The following THRAP3 variants were observed in gnomAD, a reference collection of about 807,000 sequenced individuals.
THRAP3 encodes the protein thyroid hormone receptor associated protein 3, also known as thyroid hormone receptor-associated protein 3.
THRAP3 carries 16 observed loss-of-function variants against 101.0 expected under a neutral mutation model. That is an observed-to-expected ratio of 0.16 (90% CI 0.11 to 0.24). The LOEUF (loss-of-function observed/expected upper bound fraction) is 0.24. Ranked by LOEUF, THRAP3 falls within the 10% of genes least tolerant of loss-of-function variation. The pLI is 1.00. For missense variants in THRAP3, 989 were observed against 1,202.7 expected (o/e 0.82, Z 2.63); for synonymous variants, 407 against 422.6 (o/e 0.96, Z 0.45).
chr1:36,298,146 C>CAAAAAAAAAAAA (rs10653561), intron 9 of THRAP3, among the ~76,000 whole-genome samples: 1 of 96,002 alleles, frequency 1.0e-5, no homozygotes, highest in Non-Finnish European at 2.0e-5. Flanking sequence ...GACTTCATCT[C>CAAAAAAAAAAAA]AAAAAAAAAA....
intron 2 of THRAP3, among the ~76,000 whole-genome samples, chr1:36,271,074 C>T (rs181942744): frequency 3.5e-4 from 53 of 152,266 alleles, no homozygotes; most frequent in African/African-American, 1.3e-3. Flanking sequence ...CTCCTGTTCC[C>T]TTCCTGTTAG....
At chr1:36,256,927 C>T (rs189731172) in intron 1 of THRAP3, among the ~76,000 whole-genome samples, 86 of 152,250 alleles carry the variant, frequency 5.6e-4, no homozygotes, top group African/African-American at 2.0e-3. Context: ...TCCTGAGTAG[C>T]TGGGATTACA....
At chr1:36,215,595 G>A in the THRAP3 span, among the ~76,000 whole-genome samples, 1 of 152,122 alleles carries the variant, frequency 6.6e-6, no homozygotes, top group Non-Finnish European at 1.5e-5. Flanking sequence ...TTTTCTTAAG[G>A]GGTAAATCGT....
intron 1 of THRAP3, among the ~76,000 whole-genome samples, chr1:36,244,696 A>G (rs1304889180): frequency 6.6e-6 from 1 of 150,508 alleles, no homozygotes; most frequent in African/African-American, 2.4e-5. Context: ...CTTTTCTCAT[A>G]TCTACCTGTA....
the THRAP3 span, among the ~76,000 whole-genome samples, chr1:36,214,010 GAAAGAAAGAAAGAA>G: frequency 4.0e-5 from 2 of 50,572 alleles, no homozygotes; most frequent in African/African-American, 1.7e-4. Context: ...AAGAAAGAAA[GAAAGAAAGAAAGAA>G]AGAAAGAAAG....
In THRAP3 at chr1:36,243,149, T is replaced by G. The variant is rs1254408630; in HGVS notation, c.-134-16233T>G. On this transcript the variant is annotated intron_variant, in intron 1 of 11. Transcript: ENST00000354618. ...AATAAGATGCATTTTGTGAGGAACT[T>G]TCTTTTTTTTTTTTTTTTTTTTTTG... Among the ~76,000 whole-genome samples, 3 of 143,120 alleles carry G rather than the reference T, an allele frequency of 2.1e-5. 1 individual carries two copies. Among genetic ancestry groups the G allele is most frequent in the Admixed American group, 2.1e-4 (3 of 14,584 alleles). The allele number at this position is 143,120 out of a possible 152,430, so 93.9% of individuals were successfully genotyped here. A position where few individuals can be genotyped will look rare whatever the true frequency, so the allele number is the denominator to read the frequency against.
At chr1:36,264,632 G>A (rs1025690533) in intron 2 of THRAP3, among the ~76,000 whole-genome samples, 1 of 152,214 alleles carries the variant, frequency 6.6e-6, no homozygotes, top group South Asian at 2.1e-4. Context: ...AGAATGGAAC[G>A]TGGATTCTAG....
At chr1:36,285,542 AAC>A (rs373364501) in intron 3 of THRAP3, among the ~76,000 whole-genome samples, 317 of 152,296 alleles carry the variant, frequency 2.1e-3, no homozygotes, top group African/African-American at 7.0e-3. Flanking sequence ...AATGGAGAAG[AAC>A]ACAACACTAG....
the THRAP3 span, among the ~76,000 whole-genome samples, chr1:36,210,161 T>C: frequency 6.8e-6 from 1 of 147,956 alleles, no homozygotes; most frequent in Non-Finnish European, 1.5e-5. Context: ...GGTCAGAAGA[T>C]CGAGACCATC....
upstream of THRAP3, among the ~76,000 whole-genome samples, chr1:36,223,776 C>T (rs1021836362): frequency 1.1e-4 from 16 of 152,218 alleles, no homozygotes; most frequent in African/African-American, 2.9e-4. Flanking sequence ...ATCATAGTTA[C>T]AGAAGGCAGG....
chr1:36,235,178 G>T (rs1645071425), intron 1 of THRAP3, among the ~76,000 whole-genome samples: 1 of 152,128 alleles, frequency 6.6e-6, no homozygotes. Context: ...GTGATGGTTA[G>T]ATGATTAACC....
At chr1:36,226,592 C>T (rs1042484744) in intron 1 of THRAP3, among the ~76,000 whole-genome samples, 8 of 152,162 alleles carry the variant, frequency 5.3e-5, no homozygotes, top group African/African-American at 1.7e-4. Context: ...ATAGTCCTAA[C>T]CACTAAGCAT....
chr1:36,293,560 G>A (rs1645905494), intron 7 of THRAP3, among the ~76,000 whole-genome samples: 1 of 151,768 alleles, frequency 6.6e-6, no homozygotes, highest in South Asian at 2.1e-4. Context: ...GAGGCTATGG[G>A]TGAGTCCATC....
Position 36,282,529 on chromosome 1 carries a change from T to A in THRAP3, c.-31-4T>A. ...ATTTGTTCTAATGCATTTTCTTACA[T>A]TAGGTGTAATTGAAAAGTGATCCTC... is the stretch of plus-strand genomic sequence containing the variant. On this transcript the variant is annotated splice_polypyrimidine_tract_variant and splice_region_variant and intron_variant, in intron 2 of 11. Coordinates refer to ENST00000354618, the MANE Select transcript of THRAP3 (RefSeq NM_005119.4). The A allele has an allele frequency of 6.2e-7, 1 of 1,604,340 alleles. No individual in the cohort carries two copies. Among genetic ancestry groups the A allele is most frequent in the Non-Finnish European group, 8.5e-7 (1 of 1,173,386 alleles).
chr1:36,232,609 G>A (rs1380846121), intron 1 of THRAP3, among the ~76,000 whole-genome samples: 2 of 152,146 alleles, frequency 1.3e-5, no homozygotes, highest in Non-Finnish European at 1.5e-5. Context: ...ATTGAGTTAC[G>A]TAGAAGAGGC....
In THRAP3 at chr1:36,270,571, G is replaced by GGTTTTTTTTTTTTTTTTTTTTTT. The variant is rs1553121666; in HGVS notation, c.-32+11087_-32+11088insGTTTTTTTTTTTTTTTTTTTTTT. Among the ~76,000 whole-genome samples, 151 of 31,860 alleles carry GGTTTTTTTTTTTTTTTTTTTTTT rather than the reference G, an allele frequency of 4.7e-3. 12 individuals carry two copies. Among genetic ancestry groups the GGTTTTTTTTTTTTTTTTTTTTTT allele is most frequent in the African/African-American group, 9.6e-3 (136 of 14,166 alleles). 20.9% of individuals were successfully genotyped at this position (31,860 alleles called of 152,430 possible). A position where few individuals can be genotyped will look rare whatever the true frequency, so the allele number is the denominator to read the frequency against. On this transcript the variant is annotated intron_variant, in intron 2 of 11. Coordinates refer to ENST00000354618, the MANE Select transcript of THRAP3 (RefSeq NM_005119.4). ...TAAAAATACAGTTCTATTTGTTTAG[G>GGTTTTTTTTTTTTTTTTTTTTTT]TTTTTGTTTTTTTTTTTTTTTTTGA...
intron 2 of THRAP3, among the ~76,000 whole-genome samples, chr1:36,265,848 A>T (rs1459365949): frequency 6.6e-6 from 1 of 151,834 alleles, no homozygotes; most frequent in Non-Finnish European, 1.5e-5. Context: ...ACCCCCTAAA[A>T]ATTATTTTTA....
chr1:36,282,584 C>CA lies in THRAP3; in HGVS notation c.23dup (p.Ser9ValfsTer40), dbSNP rs1477127005. 6.2e-7 allele frequency: 1 copy of CA among 1,613,888 alleles called. No individual in the cohort carries two copies. The highest frequency in any genetic ancestry group is 1.1e-5 in the South Asian group (1 of 91,068). On this transcript the variant is annotated frameshift_variant, in exon 3 of 12. Transcript: ENST00000354618. LOFTEE classifies it high-confidence loss of function. Reference sequence around the variant, plus strand: ...CAGAGATGTCAAAAACAAACAAATCCAAGTCTGGATCTCGCTCTTCTCGCT... The same window carrying CA: ...CAGAGATGTCAAAAACAAACAAATCCAAAGTCTGGATCTCGCTCTTCTCGCT...
intron 6 of THRAP3, 26 bp from the exon 7 acceptor site, chr1:36,292,572 T>C: frequency 6.3e-7 from 1 of 1,586,568 alleles, no homozygotes; most frequent in Non-Finnish European, 8.6e-7. Flanking sequence ...GCCTGGCCCA[T>C]AATGTGTTTC....
Sources: gnomAD v4.1 joint callset for allele counts (sites outside exome capture counted in the v4.1 genomes callset) on GRCh38, gnomAD v4.1.1 for gene constraint, MANE v1.5 for transcripts, NCBI Gene and HGNC (gene_info 2026-07-23, HGNC 2026-07-21) for gene names.